Variants in XKR9 observed in about 807,000 individuals in gnomAD.
XKR9 encodes XK related 9, also known as XK-related protein 9.
XKR9 carries 32 observed loss-of-function variants against 32.0 expected under a neutral mutation model. That is an observed-to-expected ratio of 1.00 (90% CI 0.76 to 1.34). XKR9 has a LOEUF of 1.34. Among genes scored for constraint, XKR9 ranks in the 40% most tolerant of loss-of-function variants. The pLI is 0.00. For missense variants in XKR9, 546 were observed against 429.7 expected (o/e 1.27, Z -2.39); for synonymous variants, 168 against 143.4 (o/e 1.17, Z -1.22).
At chr8:70,733,359 A>G (rs1004610292) in intron 4 of XKR9, among the ~76,000 whole-genome samples, 5 of 151,776 alleles carry the variant, frequency 3.3e-5, no homozygotes, top group African/African-American at 4.8e-5. Flanking sequence ...TGAAGCTATT[A>G]TCTCTTAGTG....
At chr8:70,754,217 G>T (rs139245070) in intron 2 of XKR9, among the ~76,000 whole-genome samples, 1 of 147,978 alleles carries the variant, frequency 6.8e-6, no homozygotes, top group Non-Finnish European at 1.5e-5. Context: ...GGGATGTGAA[G>T]GATCTCTTCA....
chr8:70,739,286 G>T (rs547269561), downstream of XKR9, among the ~76,000 whole-genome samples: 10 of 152,140 alleles, frequency 6.6e-5, 1 homozygote, highest in South Asian at 2.1e-3. Context: ...GACTATGATT[G>T]CAATCCCTGC....
the XKR9 span, among the ~76,000 whole-genome samples, chr8:71,055,323 T>A: frequency 6.6e-6 from 1 of 152,128 alleles, no homozygotes; most frequent in East Asian, 1.9e-4. Context: ...ATATACAAAT[T>A]CAGTGAGATA....
intron 3 of XKR9, chr8:70,790,014 T>A (rs537852850): frequency 2.6e-5 from 4 of 151,848 alleles, no homozygotes. Flanking sequence ...ATACTCACTG[T>A]GCTCATTGTC....
intron 4 of XKR9, among the ~76,000 whole-genome samples, chr8:70,727,542 A>G (rs1806514630): frequency 6.6e-6 from 1 of 151,982 alleles, no homozygotes. Context: ...CTGGGACTAC[A>G]GGCACACACC....
the XKR9 span, among the ~76,000 whole-genome samples, chr8:71,038,817 T>C: frequency 2.7e-5 from 4 of 149,488 alleles, no homozygotes; most frequent in African/African-American, 9.8e-5. Context: ...TTTTTTTTTT[T>C]TTTTTGAGAC....
At chr8:70,950,722 G>A in the XKR9 span, among the ~76,000 whole-genome samples, 1 of 151,900 alleles carries the variant, frequency 6.6e-6, no homozygotes, top group African/African-American at 2.4e-5. Context: ...TCCTCAGTCT[G>A]GGGTGCAGTG....
chr8:70,961,781 A>G, the XKR9 span, among the ~76,000 whole-genome samples: 4 of 152,204 alleles, frequency 2.6e-5, no homozygotes, highest in East Asian at 7.7e-4. Context: ...TCACTGAAGC[A>G]CTACAGGATT....
chr8:70,758,340 G>T (rs966242349), intron 2 of XKR9, among the ~76,000 whole-genome samples: 1 of 152,048 alleles, frequency 6.6e-6, no homozygotes, highest in South Asian at 2.1e-4. Context: ...CCAGACTATT[G>T]CTCTATTGTT....
At chr8:70,757,745 C>A (rs1193662445) in intron 2 of XKR9, among the ~76,000 whole-genome samples, 2 of 152,122 alleles carry the variant, frequency 1.3e-5, no homozygotes, top group African/African-American at 4.8e-5. Flanking sequence ...TGCCACCATG[C>A]CTGGCTAATT....
chr8:70,809,265 A>T, the XKR9 span, among the ~76,000 whole-genome samples: 1 of 152,232 alleles, frequency 6.6e-6, no homozygotes, highest in Non-Finnish European at 1.5e-5. Flanking sequence ...TAACAAACAG[A>T]AAGGACATCC....
intron 2 of XKR9, among the ~76,000 whole-genome samples, chr8:70,743,945 C>T (rs568711041): frequency 8.6e-5 from 13 of 151,828 alleles, no homozygotes; most frequent in Non-Finnish European, 1.8e-4. Context: ...GTGTTTTGTC[C>T]AGAGTTCATA....
chr8:70,775,740 A>G lies in XKR9; in HGVS notation n.353-13599A>G, dbSNP rs78340470. Among the ~76,000 whole-genome samples the G allele has an allele frequency of 9.7e-3, 1,342 of 138,800 alleles. 47 individuals are homozygous for G. In the East Asian group the frequency reaches 0.11, roughly 12 times the overall value. The allele number at this position is 138,800 out of a possible 152,430, so 91.1% of individuals were successfully genotyped here. On this transcript the variant is annotated intron_variant and non_coding_transcript_variant, in intron 2 of 3. Transcript: ENST00000520273. ...TTTTGCCTCTGCGTACATGGGGAAT[A>G]TTGGTCATTTTTTTTTTTTTTGAGA...
At chr8:70,773,427 C>T (rs1807479633) in intron 2 of XKR9, among the ~76,000 whole-genome samples, 1 of 152,168 alleles carries the variant, frequency 6.6e-6, no homozygotes, top group Non-Finnish European at 1.5e-5. Context: ...AACTTTTTTA[C>T]TTCCCTTCAG....
intron 2 of XKR9, among the ~76,000 whole-genome samples, chr8:70,764,554 T>A (rs866343531): frequency 6.6e-6 from 1 of 152,324 alleles, no homozygotes; most frequent in Middle Eastern, 3.4e-3. Flanking sequence ...CAGATCTGCC[T>A]CTTCATTTGT....
chr8:70,947,395 T>A, the XKR9 span, among the ~76,000 whole-genome samples: 2 of 152,166 alleles, frequency 1.3e-5, no homozygotes, highest in East Asian at 3.9e-4. Context: ...ACAAGGAGAC[T>A]AGAGAAAGGT....
At chr8:71,062,474 C>G in the XKR9 span, among the ~76,000 whole-genome samples, 1 of 152,128 alleles carries the variant, frequency 6.6e-6, no homozygotes, top group Non-Finnish European at 1.5e-5. Flanking sequence ...AATCACCTCC[C>G]AAAGGCCCCA....
chr8:70,895,752 A>G, the XKR9 span, among the ~76,000 whole-genome samples: 1 of 150,178 alleles, frequency 6.7e-6, no homozygotes, highest in Non-Finnish European at 1.5e-5. Context: ...TGGGAGGCCA[A>G]CGTGGGCAGA....
At chr8:70,911,801 G>A in the XKR9 span, among the ~76,000 whole-genome samples, 1 of 152,238 alleles carries the variant, frequency 6.6e-6, no homozygotes, top group South Asian at 2.1e-4. Flanking sequence ...GTCAGAGAAG[G>A]CTCCTTTTAG....
Sources: allele counts gnomAD v4.1 joint callset (sites outside exome capture counted in the v4.1 genomes callset), GRCh38; gene constraint gnomAD v4.1.1; transcripts MANE v1.5; gene names NCBI Gene and HGNC (gene_info 2026-07-23, HGNC 2026-07-21).